COPS7B: variants seen among roughly 807,000 people sequenced by gnomAD.
COPS7B encodes COP9 signalosome complex subunit 7b.
In COPS7B, 9 loss-of-function variants were observed where a neutral mutation model predicts 33.4. The observed-to-expected ratio is 0.27, with a 90% confidence interval of 0.16 to 0.47. COPS7B has a LOEUF of 0.47. COPS7B is among the 20% of genes least tolerant of loss of function. The pLI, the probability that COPS7B is intolerant of heterozygous loss-of-function variation, is 0.99. For synonymous variants in COPS7B, 119 were observed against 126.3 expected, an observed-to-expected ratio of 0.94 and a Z score of 0.39; for missense variants, 242 against 318.2, an observed-to-expected ratio of 0.76 and a Z score of 1.82.
upstream of COPS7B, among the ~76,000 whole-genome samples, chr2:231,785,742 G>GA (rs1249624783): frequency 1.3e-5 from 2 of 152,166 alleles, no homozygotes; most frequent in African/African-American, 4.8e-5. Context: ...GTGTATACAG[G>GA]AATCAGTTTA....
rs200456926 is a variant in COPS7B at position 231,794,355 on chromosome 2, C to T, written c.327+4C>T. The T allele has an allele frequency of 2.4e-5, 39 of 1,610,826 alleles. No individual in the cohort carries two copies. Among genetic ancestry groups the T allele is most frequent in the African/African-American group, 1.9e-4 (14 of 74,960 alleles). ...GAGCTTGGCATCAAGAATGAAGGTA[C>T]GGTACTGAGCCTTCTCTTGTCTTCC... On this transcript the variant is annotated splice_donor_region_variant and intron_variant, in intron 4 of 6. Transcript: ENST00000350033.
At chr2:231,795,679 G>A (rs1159493583) in intron 4 of COPS7B, among the ~76,000 whole-genome samples, 1 of 152,124 alleles carries the variant, frequency 6.6e-6, no homozygotes, top group Non-Finnish European at 1.5e-5. Flanking sequence ...AGTTTTTTTT[G>A]TTTGTTTTTG....
At chr2:231,784,274 GA>G (rs1227167341), upstream of COPS7B, among the ~76,000 whole-genome samples, 1 of 151,702 alleles carries the variant, frequency 6.6e-6, no homozygotes, top group Non-Finnish European at 1.5e-5. Flanking sequence ...TGAGATCAGG[GA>G]AGACCAGCTT....
chr2:231,796,894 A>G (rs17199677), intron 5 of COPS7B, among the ~76,000 whole-genome samples: 9,989 of 152,336 alleles, frequency 0.066, 361 homozygotes, highest in South Asian at 0.09. Context: ...ATACTCTGGT[A>G]TATAAAAAGC....
chr2:231,806,889 A>G (rs1188550113), intron 6 of COPS7B, among the ~76,000 whole-genome samples: 1 of 152,234 alleles, frequency 6.6e-6, no homozygotes, highest in African/African-American at 2.4e-5. Context: ...TCCTAATAGA[A>G]TAGGGTTCAA....
chr2:231,791,887 A>G, intron 3 of COPS7B, 79 bp downstream of exon 3: 1 of 1,306,524 alleles, frequency 7.7e-7, no homozygotes, highest in Non-Finnish European at 1.1e-6. Flanking sequence ...TTTGAGATAT[A>G]AAGCATGGGG....
chr2:231,788,813 G>A (rs2049326221), intron 2 of COPS7B, 81 bp downstream of exon 2: 1 of 1,390,508 alleles, frequency 7.2e-7, no homozygotes, highest in African/African-American at 1.4e-5. Flanking sequence ...CAGTGCTGAA[G>A]TATTGTGAAC....
At chr2:231,784,830 TG>T (rs1187585024), upstream of COPS7B, among the ~76,000 whole-genome samples, 4 of 152,236 alleles carry the variant, frequency 2.6e-5, no homozygotes, top group Non-Finnish European at 4.4e-5. Context: ...TTTGTATTTT[TG>T]AGATGCAGTC....
chr2:231,805,106 G>A (rs2049853694), intron 6 of COPS7B, among the ~76,000 whole-genome samples: 1 of 152,166 alleles, frequency 6.6e-6, no homozygotes, highest in African/African-American at 2.4e-5. Flanking sequence ...GGCTGAGGCA[G>A]GCAAATTGGT....
chr2:231,787,007 C>T (rs954668716), intron 1 of COPS7B, among the ~76,000 whole-genome samples: 3 of 152,164 alleles, frequency 2.0e-5, no homozygotes, highest in African/African-American at 7.2e-5. Flanking sequence ...TCTCCACCCC[C>T]ACCTCCTAAC....
At chr2:231,797,086 G>C (rs2049592786) in intron 5 of COPS7B, among the ~76,000 whole-genome samples, 1 of 152,250 alleles carries the variant, frequency 6.6e-6, no homozygotes, top group African/African-American at 2.4e-5. Flanking sequence ...TATACCTGGA[G>C]GTGAGGAGAG....
chr2:231,801,319 T>TAG (rs1299240609), intron 6 of COPS7B: 1 of 1,505,788 alleles, frequency 6.6e-7, no homozygotes, highest in Non-Finnish European at 8.9e-7. Context: ...TATTAGTTCC[T>TAG]AGTTCCAGCA....
chr2:231,794,383 C>G (rs1194577587), intron 4 of COPS7B, 32 bp downstream of exon 4: 1 of 1,567,506 alleles, frequency 6.4e-7, no homozygotes, highest in Admixed American at 1.7e-5. Context: ...TGTCTTCCTC[C>G]TTACCCCAAG....
intron 1 of COPS7B, among the ~76,000 whole-genome samples, chr2:231,786,901 G>A (rs1485293311): frequency 2.6e-5 from 4 of 152,216 alleles, no homozygotes; most frequent in Admixed American, 2.6e-4. Context: ...GAAAGCGACT[G>A]TCTCCGTCTC....
At position 231,791,806 on chromosome 2, in the gene COPS7B, T is replaced by C; in HGVS notation, c.236T>C (p.Ile79Thr). The C allele has an allele frequency of 6.2e-7, 1 of 1,613,142 alleles. No individual in the cohort carries two copies. The highest frequency in any genetic ancestry group is 8.5e-7 in the Non-Finnish European group (1 of 1,179,064). The change falls in exon 3 of 7, where the codon ATA (isoleucine) becomes ACA (threonine). Residue 79 changes from isoleucine (I) to threonine (T), a missense_variant and splice_region_variant. By Grantham distance (89) the Ile-to-Thr change is moderately conservative (BLOSUM62 -1). Coordinates refer to ENST00000350033, the MANE Select transcript of COPS7B (RefSeq NM_022730.4). ...LFAYGTYPDY[I>T]ANKESLPELS... ...GCCTATGGGACATACCCAGATTACA[T>C]AGGTGAGTTGGTGAAGATCCTTCAA...
chr2:231,807,165 G>A (rs1347691227), intron 6 of COPS7B, among the ~76,000 whole-genome samples: 1 of 152,210 alleles, frequency 6.6e-6, no homozygotes, highest in Non-Finnish European at 1.5e-5. Context: ...AATAACAGCA[G>A]AGTGTAGAAT....
upstream of COPS7B, among the ~76,000 whole-genome samples, chr2:231,783,574 C>T (rs995626094): frequency 6.6e-6 from 1 of 152,162 alleles, no homozygotes; most frequent in Non-Finnish European, 1.5e-5. Flanking sequence ...CGTGAAGTGC[C>T]TGTTCTTTTC....
chr2:231,807,683 C>A lies in COPS7B; in HGVS notation c.*38C>A. On this transcript the variant is annotated 3_prime_UTR_variant, in exon 7 of 7. Transcript: ENST00000350033. ...CAGCTGGCACTCACCAGGCCTGGGTCAGGTGGGGAGGGGACACCAAGGGCC... is the reference window on the plus strand; with the variant it reads ...CAGCTGGCACTCACCAGGCCTGGGTAAGGTGGGGAGGGGACACCAAGGGCC... The A allele has an allele frequency of 6.5e-7, 1 of 1,528,634 alleles. No homozygotes were observed. The highest frequency in any genetic ancestry group is 1.2e-5 in the South Asian group (1 of 82,012). 94.7% of individuals were successfully genotyped at this position (1,528,634 alleles called of 1,614,324 possible).
Position 231,808,623 on chromosome 2 carries a change from A to G in COPS7B, c.*978A>G. The stretch of plus-strand genomic sequence containing the variant: ...GGCATTCTCCTGGCAAGAGAAAAAG[A>G]CTTAACTAGACTTCTGAACTTGAAC... On this transcript the variant is annotated 3_prime_UTR_variant, in exon 7 of 7. Transcript: ENST00000350033. The G allele has an allele frequency of 2.3e-6, 1 of 425,800 alleles. No homozygotes were observed. Among genetic ancestry groups the G allele is most frequent in the East Asian group, 7.7e-5 (1 of 13,032 alleles). The allele number at this position is 425,800 out of a possible 1,614,324, so 26.4% of individuals were successfully genotyped here.
Sources: gnomAD v4.1 joint callset for allele counts (sites outside exome capture counted in the v4.1 genomes callset) on GRCh38, gnomAD v4.1.1 for gene constraint, MANE v1.5 for transcripts, NCBI Gene and HGNC (gene_info 2026-07-23, HGNC 2026-07-21) for gene names.